PDLIM5: variants seen among roughly 807,000 people sequenced by gnomAD.
PDLIM5 encodes PDZ and LIM domain 5, also known as PDZ and LIM domain protein 5.
PDLIM5 carries 34 observed loss-of-function variants against 64.2 expected under a neutral mutation model. That is an observed-to-expected ratio of 0.53 (90% CI 0.40 to 0.71). The LOEUF (loss-of-function observed/expected upper bound fraction) is 0.71. PDLIM5 is among the 30% of genes least tolerant of loss of function. The pLI, the probability that PDLIM5 is intolerant of heterozygous loss-of-function variation, is 0.00. For missense variants in PDLIM5, 683 were observed against 733.6 expected, an observed-to-expected ratio of 0.93 and a Z score of 0.80; for synonymous variants, 253 against 269.1, an observed-to-expected ratio of 0.94 and a Z score of 0.59.
intron 2 of PDLIM5, among the ~76,000 whole-genome samples, chr4:94,507,088 C>A (rs1294942824): frequency 6.6e-6 from 1 of 152,064 alleles, no homozygotes; most frequent in African/African-American, 2.4e-5. Context: ...GCACTGTAGG[C>A]GTCTCTGCTT....
intron 8 of PDLIM5, among the ~76,000 whole-genome samples, chr4:94,639,164 A>C (rs1263373007): frequency 6.6e-6 from 1 of 152,206 alleles, no homozygotes; most frequent in African/African-American, 2.4e-5. Flanking sequence ...CAGCCTGAGC[A>C]TACATAGACC....
At chr4:94,663,083 AGGAT>A (rs1247098865) in intron 12 of PDLIM5, among the ~76,000 whole-genome samples, 1 of 152,202 alleles carries the variant, frequency 6.6e-6, no homozygotes, top group Non-Finnish European at 1.5e-5. Flanking sequence ...TTTAATGATT[AGGAT>A]GGATTCAAAT....
intron 2 of PDLIM5, among the ~76,000 whole-genome samples, chr4:94,479,908 A>G (rs1479884122): frequency 6.6e-6 from 1 of 152,138 alleles, no homozygotes; most frequent in Non-Finnish European, 1.5e-5. Flanking sequence ...TCTGTGTAAC[A>G]TTTTCCACTG....
intron 2 of PDLIM5, among the ~76,000 whole-genome samples, chr4:94,497,589 T>G (rs1051316728): frequency 1.3e-5 from 2 of 152,138 alleles, no homozygotes; most frequent in South Asian, 2.1e-4. Context: ...ATTGGAGAGA[T>G]AAAGGGAAAA....
chr4:94,577,581 C>CTTTTTTTTTTTTT (rs11349007), intron 5 of PDLIM5, among the ~76,000 whole-genome samples: 5 of 106,854 alleles, frequency 4.7e-5, no homozygotes, highest in Non-Finnish European at 9.4e-5. Flanking sequence ...TGGTCGTAAT[C>CTTTTTTTTTTTTT]TTTTTTTTTT....
chr4:94,640,395 C>G lies in PDLIM5; in HGVS notation c.1228C>G (p.His410Asp), dbSNP rs369761799. 1.2e-6 allele frequency: 2 copies of G among 1,612,176 alleles called. No homozygotes were observed. The highest frequency in any genetic ancestry group is 1.7e-6 in the Non-Finnish European group (2 of 1,178,842). Residue 410 changes from histidine to aspartate, a missense_variant, in exon 9 of 13, where the codon CAC (histidine) becomes GAC (aspartate). His to Asp is a moderately conservative substitution (Grantham distance 81, BLOSUM62 -1). Coordinates refer to ENST00000317968, the MANE Select transcript of PDLIM5 (RefSeq NM_006457.5). ...GGACACTTTAGTGCAAAGAGCTGAG[C>G]ACATTCCAGCAGGGAAACGAACTCC... ...DQDTLVQRAE[H>D]IPAGKRTPMC...
chr4:94,567,211 T>C (rs1734417585), intron 3 of PDLIM5, among the ~76,000 whole-genome samples: 1 of 152,216 alleles, frequency 6.6e-6, no homozygotes, highest in Non-Finnish European at 1.5e-5. Flanking sequence ...GCCAGGATGA[T>C]CTCGATCTCC....
At chr4:94,492,561 G>A (rs1227166452) in intron 2 of PDLIM5, among the ~76,000 whole-genome samples, 3 of 152,026 alleles carry the variant, frequency 2.0e-5, no homozygotes, top group Non-Finnish European at 4.4e-5. Flanking sequence ...ATTTCTCCTG[G>A]CAGCCATCAG....
At position 94,650,015 on chromosome 4, in the gene PDLIM5, T is replaced by G. The variant is rs1006699037; in HGVS notation, c.1284-4445T>G. On this transcript the variant is annotated intron_variant, in intron 9 of 12. Coordinates refer to ENST00000317968, the MANE Select transcript of PDLIM5 (RefSeq NM_006457.5). ...TATGTTAAAGGACTGAAAGTTAAAGTTGACATTCAGCGAAAGAATTACTTT... is the reference window on the plus strand; with the variant it reads ...TATGTTAAAGGACTGAAAGTTAAAGGTGACATTCAGCGAAAGAATTACTTT... 1.8e-4 allele frequency among the ~76,000 whole-genome samples: 28 copies of G among 152,242 alleles called. 1 individual carries two copies. The highest frequency in any genetic ancestry group is 1.5e-5 in the Non-Finnish European group (1 of 68,050).
At chr4:94,498,483 CT>C (rs33945701) in intron 2 of PDLIM5, among the ~76,000 whole-genome samples, 21,701 of 152,094 alleles carry the variant, frequency 0.14, 3,007 homozygotes, top group African/African-American at 0.37. Flanking sequence ...CATGTCACTT[CT>C]CAAAATACCT....
At chr4:94,468,039 G>A (rs1285680398) in intron 2 of PDLIM5, among the ~76,000 whole-genome samples, 1 of 152,182 alleles carries the variant, frequency 6.6e-6, no homozygotes, top group Admixed American at 6.5e-5. Context: ...GATATGTTAA[G>A]ACCAATGCAA....
Position 94,664,526 on chromosome 4 carries a change from A to G in PDLIM5, c.*459A>G, listed in dbSNP as rs1390952109. ...CTAATACTTATCTTTAAAATAGTAA[A>G]TAGGATTTTAAACAGAGAATTTTAT... On this transcript the variant is annotated 3_prime_UTR_variant, in exon 13 of 13. Transcript: ENST00000317968. 1.3e-6 allele frequency: 1 copy of G among 745,370 alleles called. No homozygotes were observed. The highest frequency in any genetic ancestry group is 1.6e-6 in the Non-Finnish European group (1 of 611,270). 46.2% of individuals were successfully genotyped at this position (745,370 alleles called of 1,614,324 possible).
intron 3 of PDLIM5, among the ~76,000 whole-genome samples, chr4:94,560,875 C>G (rs923317844): frequency 6.6e-6 from 1 of 151,998 alleles, no homozygotes; most frequent in Non-Finnish European, 1.5e-5. Context: ...TACAGTCGCC[C>G]GCCACCACGC....
At chr4:94,645,622 T>C (rs1267579424) in intron 9 of PDLIM5, among the ~76,000 whole-genome samples, 1 of 152,180 alleles carries the variant, frequency 6.6e-6, no homozygotes, top group Non-Finnish European at 1.5e-5. Context: ...TTTTTAGGAA[T>C]ATAATAGTAA....
At chr4:94,623,624 A>G (rs557403132) in intron 8 of PDLIM5, among the ~76,000 whole-genome samples, 1 of 152,342 alleles carries the variant, frequency 6.6e-6, no homozygotes, top group Admixed American at 6.5e-5. Context: ...TCTGTTTTAC[A>G]GCATCTAAAC....
intron 8 of PDLIM5, among the ~76,000 whole-genome samples, chr4:94,631,012 A>G (rs1350973337): frequency 6.6e-6 from 1 of 151,486 alleles, no homozygotes; most frequent in Non-Finnish European, 1.5e-5. Context: ...GACTCAAGTT[A>G]TCCTCCTGCC....
intron 1 of PDLIM5, among the ~76,000 whole-genome samples, chr4:94,454,795 C>CGAAA (rs1187752904): frequency 6.6e-6 from 1 of 152,166 alleles, no homozygotes; most frequent in African/African-American, 2.4e-5. Context: ...CAGTCTCTTT[C>CGAAA]ACATGTTAGA....
chr4:94,585,062 AG>A, intron 5 of PDLIM5: 4 of 878,814 alleles, frequency 4.6e-6, no homozygotes, highest in Non-Finnish European at 7.2e-6. Flanking sequence ...TTATAAGTGC[AG>A]TTTTTTACTT....
intron 8 of PDLIM5, among the ~76,000 whole-genome samples, chr4:94,630,521 G>A (rs777193519): frequency 1.3e-5 from 2 of 151,890 alleles, no homozygotes; most frequent in Non-Finnish European, 2.9e-5. Context: ...TTACAGGCAC[G>A]CACCACCATG....
Sources: allele counts gnomAD v4.1 joint callset (sites outside exome capture counted in the v4.1 genomes callset), GRCh38; gene constraint gnomAD v4.1.1; transcripts MANE v1.5; gene names NCBI Gene and HGNC (gene_info 2026-07-23, HGNC 2026-07-21).